Variants in ERC2 observed in about 807,000 individuals in gnomAD.
ERC2 encodes the protein ELKS/RAB6-interacting/CAST family member 2, also known as ERC protein 2.
Under a neutral mutation model 114.8 loss-of-function variants are expected in ERC2, and 42 were observed. The ratio of observed to expected loss-of-function variants is 0.37; its 90% CI spans 0.29 to 0.47. The LOEUF (loss-of-function observed/expected upper bound fraction) is 0.47. Among genes scored for constraint, ERC2 ranks in the 20% least tolerant of loss-of-function variants. The probability of loss-of-function intolerance (pLI) is 0.99; values close to 1 mark genes in which losing one functional copy is unlikely to be tolerated. For missense variants in ERC2, 939 were observed against 1,150.7 expected (o/e 0.82, Z 2.66); for synonymous variants, 454 against 425.5 (o/e 1.07, Z -0.82).
At chr3:56,203,339 TC>T (rs1261790561) in intron 3 of ERC2, among the ~76,000 whole-genome samples, 3 of 150,496 alleles carry the variant, frequency 2.0e-5, no homozygotes, top group South Asian at 2.1e-4. Context: ...ACCGGATTTT[TC>T]GTCCACTTTT....
chr3:56,365,438 C>G (rs922440207), intron 2 of ERC2, among the ~76,000 whole-genome samples: 1 of 152,148 alleles, frequency 6.6e-6, no homozygotes, highest in South Asian at 2.1e-4. Flanking sequence ...TAAGTACACT[C>G]GACAACGTTT....
rs1216729525 is a variant in ERC2, at chr3:56,086,369, G to C, written c.1474-5385C>G. Among the ~76,000 whole-genome samples the C allele has an allele frequency of 2.6e-5, 4 of 151,980 alleles. No individual in the cohort carries two copies. The East Asian group carries it at 7.7e-4, about 29-fold the overall frequency. ...CTGTGCCAGCTGAGGTCTTCTGTTT[G>C]GGGGGTTTATTTTCCATGCACTGGA... On this transcript the variant is annotated intron_variant, in intron 6 of 17. Coordinates refer to ENST00000288221, the MANE Select transcript of ERC2 (RefSeq NM_015576.3).
At chr3:55,540,035 A>G (rs1471601407) in intron 17 of ERC2, among the ~76,000 whole-genome samples, 2 of 151,696 alleles carry the variant, frequency 1.3e-5, no homozygotes, top group African/African-American at 4.8e-5. Context: ...AAAGATACTG[A>G]GGCCTAGAGA....
At chr3:55,603,703 A>T (rs1358942685) in intron 17 of ERC2, among the ~76,000 whole-genome samples, 1 of 151,930 alleles carries the variant, frequency 6.6e-6, no homozygotes, top group African/African-American at 2.4e-5. Context: ...GAAACAAATC[A>T]TATTTGAAAT....
chr3:55,738,220 C>T (rs1456431321), intron 14 of ERC2, among the ~76,000 whole-genome samples: 2 of 151,958 alleles, frequency 1.3e-5, no homozygotes, highest in Non-Finnish European at 2.9e-5. Context: ...TTTCGACATA[C>T]AAATGTATAT....
intron 15 of ERC2, among the ~76,000 whole-genome samples, chr3:55,727,842 G>A (rs945021766): frequency 2.0e-5 from 3 of 152,140 alleles, no homozygotes; most frequent in Non-Finnish European, 4.4e-5. Flanking sequence ...TGGAATAAAA[G>A]TCCAAAATTG....
chr3:56,461,969 C>T (rs1050806835), intron 1 of ERC2, among the ~76,000 whole-genome samples: 1 of 152,150 alleles, frequency 6.6e-6, no homozygotes, highest in Non-Finnish European at 1.5e-5. Context: ...CAATCTACCC[C>T]TCAAGGAAGG....
At chr3:55,727,982 C>CCTA (rs1426072926) in intron 15 of ERC2, among the ~76,000 whole-genome samples, 2 of 152,112 alleles carry the variant, frequency 1.3e-5, no homozygotes, top group Non-Finnish European at 2.9e-5. Flanking sequence ...TCTATCAAGC[C>CCTA]CTACAGACTG....
intron 17 of ERC2, among the ~76,000 whole-genome samples, chr3:55,625,611 C>T (rs2059490047): frequency 6.6e-6 from 1 of 151,436 alleles, no homozygotes; most frequent in South Asian, 2.1e-4. Context: ...ATTAGCCGGG[C>T]GTGGTGGCGG....
intron 2 of ERC2, among the ~76,000 whole-genome samples, chr3:56,370,370 C>T (rs112234978): frequency 0.028 from 4,333 of 152,122 alleles, 67 homozygotes; most frequent in South Asian, 0.071. Context: ...GTTGGCTGGT[C>T]GTGGTGGCAT....
intron 2 of ERC2, among the ~76,000 whole-genome samples, chr3:56,329,964 C>A (rs189325121): frequency 2.8e-4 from 42 of 150,108 alleles, no homozygotes; most frequent in Admixed American, 3.3e-4. Flanking sequence ...ATTTCCAATA[C>A]ACATATATAT....
chr3:56,113,503 A>G (rs9311595), intron 6 of ERC2, among the ~76,000 whole-genome samples: 25,471 of 152,150 alleles, frequency 0.17, 2,303 homozygotes, highest in African/African-American at 0.21. Flanking sequence ...TGCAGTGGGT[A>G]TATGTGTGTG....
intron 15 of ERC2, among the ~76,000 whole-genome samples, chr3:55,720,374 C>A (rs144337678): frequency 3.4e-5 from 5 of 146,652 alleles, no homozygotes; most frequent in African/African-American, 1.3e-4. Flanking sequence ...CAGCCTTGAC[C>A]TCCCAGGCTC....
intron 1 of ERC2, among the ~76,000 whole-genome samples, chr3:56,436,098 C>T (rs1490574034): frequency 2.0e-5 from 3 of 152,190 alleles, no homozygotes; most frequent in Non-Finnish European, 4.4e-5. Flanking sequence ...TAATGGGGCA[C>T]ATTATGGCCT....
At chr3:55,649,810 T>C (rs897624058) in intron 17 of ERC2, among the ~76,000 whole-genome samples, 2 of 152,164 alleles carry the variant, frequency 1.3e-5, no homozygotes, top group African/African-American at 2.4e-5. Flanking sequence ...GACACTTCTG[T>C]CAAGCAGAAG....
intron 13 of ERC2, among the ~76,000 whole-genome samples, chr3:55,890,674 A>G (rs1253692032): frequency 1.3e-5 from 2 of 152,224 alleles, no homozygotes; most frequent in Non-Finnish European, 2.9e-5. Context: ...CACCTGGGAG[A>G]CACAATACAG....
chr3:56,159,678 C>T (rs1288845953), intron 4 of ERC2, among the ~76,000 whole-genome samples: 1 of 151,530 alleles, frequency 6.6e-6, no homozygotes, highest in African/African-American at 2.4e-5. Context: ...CCCTAGTAGT[C>T]CCCAGTTTCT....
chr3:55,883,176 C>A (rs887861142), intron 14 of ERC2, among the ~76,000 whole-genome samples: 1 of 152,164 alleles, frequency 6.6e-6, no homozygotes, highest in Non-Finnish European at 1.5e-5. Context: ...TGAGTGCCTA[C>A]CATGTGACAG....
chr3:55,552,874 G>A (rs1037509879), intron 17 of ERC2, among the ~76,000 whole-genome samples: 1 of 151,712 alleles, frequency 6.6e-6, no homozygotes, highest in Non-Finnish European at 1.5e-5. Context: ...AGGAAATAGG[G>A]TTAAAAACCA....
Sources: allele counts gnomAD v4.1 joint callset (sites outside exome capture counted in the v4.1 genomes callset), GRCh38; gene constraint gnomAD v4.1.1; transcripts MANE v1.5; gene names NCBI Gene and HGNC (gene_info 2026-07-23, HGNC 2026-07-21).